Variants in HTT observed in about 807,000 individuals in gnomAD.
The protein encoded by HTT is huntington disease protein.
HTT carries 104 observed loss-of-function variants against 362.3 expected under a neutral mutation model. The ratio of observed to expected loss-of-function variants is 0.29; its 90% CI spans 0.24 to 0.34. The LOEUF (loss-of-function observed/expected upper bound fraction) is 0.34, where lower values mean the gene tolerates loss of function less well. HTT is among the 10% of genes least tolerant of loss of function. HTT has a pLI of 1.00. For synonymous variants in HTT, 1,577 were observed against 1,548.7 expected (o/e 1.02, Z -0.43); for missense variants, 3,301 against 3,928.6 (o/e 0.84, Z 4.27).
chr4:3,085,069 C>A (rs996855230), intron 1 of HTT, among the ~76,000 whole-genome samples: 9 of 151,784 alleles, frequency 5.9e-5, no homozygotes, highest in Non-Finnish European at 1.3e-4. Context: ...AGTTTACATG[C>A]CCCTCCTTAC....
Position 3,228,515 on chromosome 4 carries a change from T to C in HTT, c.7849-100T>C. ...ACGACCCTTGCTAAGGGGCAGACTG[T>C]TAGACGGTAGGCATGTGCTGAGTCC... is the stretch of plus-strand genomic sequence containing the variant. On this transcript the variant is annotated intron_variant, in intron 57 of 66. Transcript: ENST00000355072. This position sits in a 1 kb window ranked among gnomAD's most constrained non-coding sequence, Gnocchi z 4.3. 6 of 1,372,544 alleles carry C rather than the reference T, an allele frequency of 4.4e-6. No homozygotes were observed. The highest frequency in any genetic ancestry group is 5.9e-6 in the Non-Finnish European group (6 of 1,015,592). The allele number at this position is 1,372,544 out of a possible 1,614,324, so 85.0% of individuals were successfully genotyped here.
intron 27 of HTT, among the ~76,000 whole-genome samples, chr4:3,155,728 CAAAAAAAAAAAA>C (rs774283812): frequency 2.0e-5 from 1 of 49,648 alleles, no homozygotes; most frequent in African/African-American, 7.1e-5. Context: ...AAAAATACCA[CAAAAAAAAAAAA>C]AAAAAAAAAA....
intron 34 of HTT, 142 bp from the exon 35 acceptor site, chr4:3,178,156 T>G (rs945771525): frequency 1.2e-4 from 79 of 633,140 alleles, no homozygotes; most frequent in East Asian, 8.4e-5. Flanking sequence ...GTGGCAGGGG[T>G]GGGGTTAGAG....
At chr4:3,230,139 C>A in intron 60 of HTT, 97 bp downstream of exon 60, 1 of 1,061,146 alleles carries the variant, frequency 9.4e-7, no homozygotes, top group Non-Finnish European at 1.4e-6. Context: ...GTGCGGCTGC[C>A]TCCTTCCAAG....
Position 3,103,406 on chromosome 4 carries a change from A to G in HTT, c.469-418A>G, listed in dbSNP as rs112505757. ...CACCCGGCTAATTTTTGTATTTTTT[A>G]GTAGAGACGGAGTTTCTCCATGTTG... On this transcript the variant is annotated intron_variant, in intron 3 of 66. Transcript: ENST00000355072. Among the ~76,000 whole-genome samples, 158 of 151,558 alleles carry G rather than the reference A, an allele frequency of 1.0e-3. 1 individual carries two copies. The highest frequency in any genetic ancestry group is 3.5e-3 in the African/African-American group (145 of 41,306).
rs370474583 is a variant in HTT, at chr4:3,157,851, C to CCCA, written c.3753+653_3753+655dup. The stretch of plus-strand genomic sequence containing the variant: ...AATTTAATTTTTGTTTTTGGTTGTC[C>CCCA]CCAATAATGTTTACAGAAGAATTTT... On this transcript the variant is annotated intron_variant, in intron 28 of 66. Transcript: ENST00000355072. Among the ~76,000 whole-genome samples, 240 of 151,816 alleles carry CCCA rather than the reference C, an allele frequency of 1.6e-3. 1 individual carries two copies. Among genetic ancestry groups the CCCA allele is most frequent in the African/African-American group, 5.5e-3 (229 of 41,366 alleles).
In HTT at chr4:3,228,874, C is replaced by G; in HGVS notation, c.7980-6C>G. 1.2e-6 allele frequency: 2 copies of G among 1,611,828 alleles called. No homozygotes were observed. Among genetic ancestry groups the G allele is most frequent in the Non-Finnish European group, 1.7e-6 (2 of 1,178,132 alleles). On this transcript the variant is annotated splice_polypyrimidine_tract_variant and splice_region_variant and intron_variant, in intron 58 of 66. Coordinates refer to ENST00000355072, the MANE Select transcript of HTT (RefSeq NM_001388492.1). The surrounding 1 kb of genome is among the most constrained non-coding windows in gnomAD (Gnocchi z 4.3). ...TTGGAAAATACCCATCTCGCATATT[C>G]CACAGGAAACACCGGGCTGGAGTTG...
Position 3,227,876 on chromosome 4 carries a change from C to T in HTT, c.7849-739C>T, listed in dbSNP as rs181668614. ...GCCCCTAGATGCCACTGGACTGAGC[C>T]GCTACTTGCTTTTGGGAAAGAGGGG... On this transcript the variant is annotated intron_variant, in intron 57 of 66. Transcript: ENST00000355072. Among the ~76,000 whole-genome samples, 89 of 152,282 alleles carry T rather than the reference C, an allele frequency of 5.8e-4. 3 individuals are homozygous for T. The East Asian group carries it at 0.016, about 27-fold the overall frequency.
intron 29 of HTT, among the ~76,000 whole-genome samples, chr4:3,161,395 T>C (rs919881983): frequency 1.3e-5 from 2 of 152,224 alleles, no homozygotes; most frequent in African/African-American, 4.8e-5. Flanking sequence ...TGTGCATGTG[T>C]CTTTATCGTA....
intron 21 of HTT, among the ~76,000 whole-genome samples, chr4:3,139,293 G>A (rs1267763892): frequency 6.6e-6 from 1 of 152,156 alleles, no homozygotes; most frequent in Non-Finnish European, 1.5e-5. Flanking sequence ...TGCCTCCTGG[G>A]TTCAAGCGAT....
intron 48 of HTT, 141 bp from the exon 49 acceptor site, chr4:3,212,423 T>C (rs1456411066): frequency 8.9e-7 from 1 of 1,128,148 alleles, no homozygotes; most frequent in Non-Finnish European, 1.3e-6. Flanking sequence ...CGTGCAGTCC[T>C]GTGGACGGAT....
intron 2 of HTT, among the ~76,000 whole-genome samples, chr4:3,091,765 C>A (rs1192896398): frequency 3.3e-5 from 5 of 152,114 alleles, no homozygotes; most frequent in Non-Finnish European, 5.9e-5. Flanking sequence ...AAAATAAGAA[C>A]CTTTTTTACC....
At chr4:3,159,410 G>A (rs1171221112) in intron 28 of HTT, among the ~76,000 whole-genome samples, 2 of 152,156 alleles carry the variant, frequency 1.3e-5, no homozygotes, top group East Asian at 3.9e-4. Context: ...CATATTGGAG[G>A]AGAACCCTTT....
At chr4:3,159,585 G>C (rs1197084219) in intron 28 of HTT, among the ~76,000 whole-genome samples, 1 of 152,210 alleles carries the variant, frequency 6.6e-6, no homozygotes, top group Admixed American at 6.5e-5. Context: ...TTCAGTTTCT[G>C]TGTCTGTCTC....
chr4:3,164,043 G>T (rs762993875), intron 29 of HTT, among the ~76,000 whole-genome samples: 9 of 152,042 alleles, frequency 5.9e-5, no homozygotes, highest in Admixed American at 2.0e-4. Context: ...GATCTTTTCT[G>T]CTTTCTCTTG....
At chr4:3,169,806 T>C (rs1717889178) in intron 29 of HTT, among the ~76,000 whole-genome samples, 1 of 152,202 alleles carries the variant, frequency 6.6e-6, no homozygotes, top group South Asian at 2.1e-4. Context: ...ACTCCTGACC[T>C]CAGGTGATTC....
At chr4:3,180,691 T>C (rs1190385364) in intron 36 of HTT, 40 bp downstream of exon 36, 1 of 1,583,998 alleles carries the variant, frequency 6.3e-7, no homozygotes, top group Non-Finnish European at 8.6e-7. Context: ...GGATACTTTA[T>C]TGACCCGTGC....
Position 3,103,890 on chromosome 4 carries a change from C to T in HTT, c.528+7C>T, listed in dbSNP as rs201736556. On this transcript the variant is annotated splice_region_variant and intron_variant, in intron 4 of 66. Transcript: ENST00000355072. ...CTATAAGGAAATTAAAAAGGTGGGC[C>T]TTGCTTTTCTTTTTTAAAAATGTTT... 4 of 1,567,896 alleles carry T rather than the reference C, an allele frequency of 2.6e-6. No homozygotes were observed. Among genetic ancestry groups the T allele is most frequent in the Non-Finnish European group, 3.5e-6 (4 of 1,143,674 alleles).
chr4:3,101,260 CTG>C (rs566338374), intron 3 of HTT, among the ~76,000 whole-genome samples: 35 of 152,262 alleles, frequency 2.3e-4, no homozygotes, highest in African/African-American at 7.9e-4. Flanking sequence ...TGTCTGAGGA[CTG>C]TAGGCCATGG....
Sources: allele counts gnomAD v4.1 joint callset (sites outside exome capture counted in the v4.1 genomes callset), GRCh38; gene constraint gnomAD v4.1.1; non-coding constraint Gnocchi (gnomAD v3.1); transcripts MANE v1.5; gene names NCBI Gene and HGNC (gene_info 2026-07-23, HGNC 2026-07-21).